The following ONECUT2 variants were observed in gnomAD, a reference collection of about 807,000 sequenced individuals.
The protein encoded by ONECUT2 is one cut domain family member 2.
A neutral mutation model predicts 27.9 loss-of-function variants in ONECUT2; 10 were observed. The observed-to-expected ratio is 0.36, with a 90% CI of 0.22 to 0.61. The LOEUF (loss-of-function observed/expected upper bound fraction) is 0.61. ONECUT2 is among the 20% of genes least tolerant of loss of function. ONECUT2 has a pLI of 0.73. For synonymous variants in ONECUT2, 334 were observed against 315.1 expected (o/e 1.06, Z -0.64); for missense variants, 686 against 721.0 (o/e 0.95, Z 0.56).
In ONECUT2 at chr18:57,488,296, T is replaced by C. The variant is rs1169793745; in HGVS notation, c.*11573T>C. ...TAGTGTTTAATCTTCCAGAAAGCTT[T>C]ATATGTTGTTCCACAATAAAATTGA... On this transcript the variant is annotated 3_prime_UTR_variant, in exon 2 of 2. Transcript: ENST00000491143. 6.6e-6 allele frequency: 1 copy of C among 152,660 alleles called. No individual in the cohort carries two copies. Among genetic ancestry groups the C allele is most frequent in the Non-Finnish European group, 1.5e-5 (1 of 68,046 alleles). 9.5% of individuals were successfully genotyped at this position (152,660 alleles called of 1,614,324 possible). A position where few individuals can be genotyped will look rare whatever the true frequency, so the allele number is the denominator to read the frequency against.
intron 1 of ONECUT2, among the ~76,000 whole-genome samples, chr18:57,461,205 T>G (rs953896131): frequency 6.6e-6 from 1 of 152,186 alleles, no homozygotes; most frequent in Non-Finnish European, 1.5e-5. Context: ...ATATGTGTAT[T>G]CCTTTGTGTC....
rs187190226 is a variant in ONECUT2 at position 57,456,736 on chromosome 18, A to G, written c.1229-19701A>G. ...GTTAAGATGGTAAATTTTGTTGTGTATATTTTACCATAATTTCAAAGAAAG... is the reference window on the plus strand; with the variant it reads ...GTTAAGATGGTAAATTTTGTTGTGTGTATTTTACCATAATTTCAAAGAAAG... On this transcript the variant is annotated intron_variant, in intron 1 of 1. Coordinates refer to ENST00000491143, the MANE Select transcript of ONECUT2 (RefSeq NM_004852.3). 2.6e-5 allele frequency among the ~76,000 whole-genome samples: 4 copies of G among 152,332 alleles called. No homozygotes were observed. The East Asian group carries it at 5.8e-4, about 22-fold the overall frequency.
At chr18:57,437,069 C>T (rs2050146758) in intron 1 of ONECUT2, 125 bp downstream of exon 1, 3 of 1,421,164 alleles carry the variant, frequency 2.1e-6, no homozygotes. Context: ...TATACACGTC[C>T]TCTTTCTTCT....
chr18:57,438,319 G>A (rs998774179), intron 1 of ONECUT2, among the ~76,000 whole-genome samples: 1 of 152,220 alleles, frequency 6.6e-6, no homozygotes, highest in East Asian at 1.9e-4. Context: ...GTGGAGGGGG[G>A]TATCTTTCAG....
At position 57,479,024 on chromosome 18, in the gene ONECUT2, G is replaced by T. The variant is rs1313847299; in HGVS notation, c.*2301G>T. On this transcript the variant is annotated 3_prime_UTR_variant, in exon 2 of 2. Transcript: ENST00000491143. ...GAACAGTTCTCTCTGCTCAGCAGAG[G>T]GTAGGGAATAACATTATCACTTGAA... is the stretch of plus-strand genomic sequence containing the variant. The T allele has an allele frequency of 6.6e-6, 1 of 152,560 alleles. No homozygotes were observed. Among genetic ancestry groups the T allele is most frequent in the Non-Finnish European group, 1.5e-5 (1 of 68,022 alleles). The allele number at this position is 152,560 out of a possible 1,614,324, so 9.5% of individuals were successfully genotyped here. A position where few individuals can be genotyped will look rare whatever the true frequency, so the allele number is the denominator to read the frequency against.
intron 1 of ONECUT2, among the ~76,000 whole-genome samples, chr18:57,471,510 G>T (rs2050353669): frequency 6.6e-6 from 1 of 152,204 alleles, no homozygotes; most frequent in South Asian, 2.1e-4. Flanking sequence ...TGGCCACCAG[G>T]GAGAAGCAAG....
chr18:57,437,609 CG>C (rs1476122029), intron 1 of ONECUT2, among the ~76,000 whole-genome samples: 1 of 152,196 alleles, frequency 6.6e-6, no homozygotes, highest in African/African-American at 2.4e-5. Flanking sequence ...ACTTTCTGAC[CG>C]GGCTTGAGGG....
intron 1 of ONECUT2, among the ~76,000 whole-genome samples, chr18:57,460,367 T>C (rs2122128643): frequency 6.6e-6 from 1 of 152,322 alleles, no homozygotes; most frequent in East Asian, 1.9e-4. Flanking sequence ...ATTCATCTCT[T>C]CTCACTATTT....
At chr18:57,449,536 G>A (rs572174262) in intron 1 of ONECUT2, among the ~76,000 whole-genome samples, 3 of 152,262 alleles carry the variant, frequency 2.0e-5, no homozygotes, top group East Asian at 3.9e-4. Context: ...TCTCAAAGTA[G>A]GATTGAGTCT....
Position 57,491,250 on chromosome 18 carries a change from T to C in ONECUT2, c.*14527T>C, listed in dbSNP as rs917966322. Reference sequence around the variant, plus strand: ...TTTTATTCCTATCATTAAATGGTAGTGCTGTAAATTCTGCAATTAATGTTA... The same window carrying C: ...TTTTATTCCTATCATTAAATGGTAGCGCTGTAAATTCTGCAATTAATGTTA... On this transcript the variant is annotated 3_prime_UTR_variant, in exon 2 of 2. Coordinates refer to ENST00000491143, the MANE Select transcript of ONECUT2 (RefSeq NM_004852.3). 2.3e-5 allele frequency: 2 copies of C among 87,676 alleles called. No homozygotes were observed. The highest frequency in any genetic ancestry group is 6.2e-5 in the Non-Finnish European group (2 of 32,018). The allele number at this position is 87,676 out of a possible 1,614,324, so 5.4% of individuals were successfully genotyped here.
At chr18:57,450,643 G>T (rs2144310998) in intron 1 of ONECUT2, among the ~76,000 whole-genome samples, 1 of 152,276 alleles carries the variant, frequency 6.6e-6, no homozygotes, top group East Asian at 1.9e-4. Flanking sequence ...CTTCATACAA[G>T]ATGGAAAATT....
intron 1 of ONECUT2, among the ~76,000 whole-genome samples, chr18:57,458,571 C>T (rs547809864): frequency 6.6e-6 from 1 of 152,316 alleles, no homozygotes; most frequent in East Asian, 1.9e-4. Flanking sequence ...ACATTTATTG[C>T]ATAGTGTCCT....
chr18:57,438,416 C>A (rs1450189247), intron 1 of ONECUT2, among the ~76,000 whole-genome samples: 1 of 152,222 alleles, frequency 6.6e-6, no homozygotes, highest in Non-Finnish European at 1.5e-5. Context: ...CCGAGCCAGC[C>A]TCGCACAGCT....
chr18:57,453,748 C>T (rs945862657), intron 1 of ONECUT2, among the ~76,000 whole-genome samples: 9 of 152,302 alleles, frequency 5.9e-5, no homozygotes, highest in African/African-American at 2.2e-4. Context: ...TTGGGTCATA[C>T]CAGAGTTTCA....
intron 1 of ONECUT2, among the ~76,000 whole-genome samples, chr18:57,438,004 G>C (rs1053218778): frequency 1.3e-5 from 2 of 152,270 alleles, no homozygotes; most frequent in African/African-American, 2.4e-5. Context: ...TCTGGAGCCG[G>C]CTCGGCTCTT....
chr18:57,476,756 C>G lies in ONECUT2; in HGVS notation c.*33C>G, dbSNP rs777003343. ...ACTCTCACTTGGGCACAAGTCACCT[C>G]CAAATGAGGACAACAGATACCAAAA... is the stretch of plus-strand genomic sequence containing the variant. On this transcript the variant is annotated 3_prime_UTR_variant, in exon 2 of 2. Transcript: ENST00000491143. 4 of 1,606,770 alleles carry G rather than the reference C, an allele frequency of 2.5e-6. No homozygotes were observed. In the African/African-American group the frequency reaches 5.4e-5, roughly 22 times the overall value.
At chr18:57,464,708 C>A (rs2122135806) in intron 1 of ONECUT2, among the ~76,000 whole-genome samples, 1 of 152,190 alleles carries the variant, frequency 6.6e-6, no homozygotes, top group Admixed American at 6.5e-5. Flanking sequence ...GACCCTTTTT[C>A]CTTCCTGCAG....
In ONECUT2 at chr18:57,491,260, T is replaced by G. The variant is rs1258864016; in HGVS notation, c.*14537T>G. The G allele has an allele frequency of 6.6e-6, 1 of 151,040 alleles. No individual in the cohort carries two copies. The highest frequency in any genetic ancestry group is 2.4e-5 in the African/African-American group (1 of 41,230). The allele number at this position is 151,040 out of a possible 1,614,324, so 9.4% of individuals were successfully genotyped here. A position where few individuals can be genotyped will look rare whatever the true frequency, so the allele number is the denominator to read the frequency against. ...ATCATTAAATGGTAGTGCTGTAAATTCTGCAATTAATGTTAAATAAACTGC... is the reference window on the plus strand; with the variant it reads ...ATCATTAAATGGTAGTGCTGTAAATGCTGCAATTAATGTTAAATAAACTGC... On this transcript the variant is annotated 3_prime_UTR_variant, in exon 2 of 2. Transcript: ENST00000491143.
chr18:57,435,960 C>T lies in ONECUT2; in HGVS notation c.244C>T (p.Pro82Ser). 3.7e-6 allele frequency: 5 copies of T among 1,366,050 alleles called. No homozygotes were observed. In the South Asian group the frequency reaches 7.2e-5, roughly 20 times the overall value. The allele number at this position is 1,366,050 out of a possible 1,614,324, so 84.6% of individuals were successfully genotyped here. ...CGCCGCTGGCTCGCTGCGGGGCCCTCCGCCGCCTCCAACCGCGCACCAGGA... is the reference window on the plus strand; with the variant it reads ...CGCCGCTGGCTCGCTGCGGGGCCCTTCGCCGCCTCCAACCGCGCACCAGGA... Reference protein sequence around the residue: ...RGAAGSLRGPPPPPTAHQELG... With the variant: ...RGAAGSLRGPSPPPTAHQELG... The change falls in exon 1 of 2, where the codon CCG (proline) becomes TCG (serine). Residue 82 changes from proline to serine, a missense_variant. Transcript: ENST00000491143.
Sources: gnomAD v4.1 joint callset for allele counts (sites outside exome capture counted in the v4.1 genomes callset) on GRCh38, gnomAD v4.1.1 for gene constraint, MANE v1.5 for transcripts, NCBI Gene and HGNC (gene_info 2026-07-23, HGNC 2026-07-21) for gene names.